The following GRAMD2A variants were observed in gnomAD, a reference collection of about 807,000 sequenced individuals.
GRAMD2A encodes the protein GRAM domain containing 2A.
GRAMD2A carries 37 observed loss-of-function variants against 51.1 expected under a neutral mutation model. The ratio of observed to expected loss-of-function variants is 0.72; its 90% CI spans 0.56 to 0.95. The LOEUF (loss-of-function observed/expected upper bound fraction) is 0.95, where lower values mean the gene tolerates loss of function less well. Among genes scored for constraint, GRAMD2A ranks in the 40% least tolerant of loss-of-function variants. The pLI is 0.00. For missense variants in GRAMD2A, 414 were observed against 426.9 expected, an observed-to-expected ratio of 0.97 and a Z score of 0.27; for synonymous variants, 136 against 157.1, an observed-to-expected ratio of 0.87 and a Z score of 1.01.
chr15:72,195,823 G>C (rs939023913), intron 1 of GRAMD2A, among the ~76,000 whole-genome samples: 1 of 152,140 alleles, frequency 6.6e-6, no homozygotes, highest in Non-Finnish European at 1.5e-5. Context: ...GGGAGGCTGA[G>C]GCAGGAGAAT....
At position 72,170,225 on chromosome 15, in the gene GRAMD2A, A is replaced by G. The variant is rs747999602; in HGVS notation, c.42-286T>C. The stretch of plus-strand genomic sequence containing the variant: ...ACCTGTCTACCTCATCTCCAGTGCC[A>G]GGCAGCTCGTAGGCCAGGCTGAGTG... On this transcript the variant is annotated intron_variant, in intron 1 of 11. Transcript: ENST00000309731. This position sits in a 1 kb window ranked among gnomAD's most constrained non-coding sequence, Gnocchi z 4.5. 4 of 554,716 alleles carry G rather than the reference A, an allele frequency of 7.2e-6. No homozygotes were observed. The highest frequency in any genetic ancestry group is 8.7e-5 in the East Asian group (2 of 22,862). 34.4% of individuals were successfully genotyped at this position (554,716 alleles called of 1,614,324 possible). A position where few individuals can be genotyped will look rare whatever the true frequency, so the allele number is the denominator to read the frequency against.
intron 1 of GRAMD2A, among the ~76,000 whole-genome samples, chr15:72,184,217 C>A (rs1490982896): frequency 3.9e-5 from 6 of 152,288 alleles, no homozygotes; most frequent in African/African-American, 1.4e-4. Flanking sequence ...CACCTCCACC[C>A]CTCGGCTAGC....
In GRAMD2A at chr15:72,185,200, T is replaced by G. The variant is rs1005107721; in HGVS notation, c.41+12531A>C. On this transcript the variant is annotated intron_variant, in intron 1 of 11. Transcript: ENST00000309731. ...TATATTTTGTTCCAGTTTTTTTTTT[T>G]TTTTTTTTTTTGAGACGGAGTCTTG... Among the ~76,000 whole-genome samples the G allele has an allele frequency of 3.8e-4, 58 of 151,540 alleles. 1 individual carries two copies. The highest frequency in any genetic ancestry group is 1.2e-3 in the African/African-American group (48 of 41,178).
rs982944036 is a variant in GRAMD2A, at chr15:72,160,969, C to T, written c.*1040G>A. The T allele has an allele frequency of 6.6e-6, 1 of 152,368 alleles. No homozygotes were observed. The highest frequency in any genetic ancestry group is 2.4e-5 in the African/African-American group (1 of 41,448). The allele number at this position is 152,368 out of a possible 1,614,324, so 9.4% of individuals were successfully genotyped here. On this transcript the variant is annotated 3_prime_UTR_variant, in exon 12 of 12. Transcript: ENST00000309731. Reference sequence around the variant, plus strand: ...GAGGTCCCTCCTCCATGGCCTGCAACCCAATGACTATGGGGGTGACACAAG... The same window carrying T: ...GAGGTCCCTCCTCCATGGCCTGCAATCCAATGACTATGGGGGTGACACAAG...
chr15:72,178,200 C>T (rs947669789), intron 1 of GRAMD2A, among the ~76,000 whole-genome samples: 1 of 152,216 alleles, frequency 6.6e-6, no homozygotes, highest in Admixed American at 6.5e-5. Context: ...TTCACCCTGG[C>T]CCTCTTGAGT....
intron 8 of GRAMD2A, among the ~76,000 whole-genome samples, chr15:72,165,137 G>A (rs550191594): frequency 7.9e-5 from 12 of 152,220 alleles, no homozygotes; most frequent in African/African-American, 2.4e-4. Context: ...AGACTCTGTC[G>A]TCCAAAAAAG....
rs781116207 is a variant in GRAMD2A, at chr15:72,166,982, C to G, written c.471+12G>C. 2 of 1,598,886 alleles carry G rather than the reference C, an allele frequency of 1.3e-6. No individual in the cohort carries two copies. Among genetic ancestry groups the G allele is most frequent in the Non-Finnish European group, 8.6e-7 (1 of 1,166,278 alleles). ...GGAGACTGACAAGGGAGCATGGGCC[C>G]AGTGCACTGACCTTCTGGCTGGTGT... On this transcript the variant is annotated intron_variant, in intron 6 of 11. Coordinates refer to ENST00000309731, the MANE Select transcript of GRAMD2A (RefSeq NM_001012642.3). This position sits in a 1 kb window ranked among gnomAD's most constrained non-coding sequence, Gnocchi z 4.1.
At chr15:72,186,949 C>T (rs1049899205) in intron 1 of GRAMD2A, among the ~76,000 whole-genome samples, 1 of 151,136 alleles carries the variant, frequency 6.6e-6, no homozygotes, top group African/African-American at 2.4e-5. Flanking sequence ...GAGTTCGAGA[C>T]CAGCCTGGCC....
At chr15:72,193,433 G>T (rs944236471) in intron 1 of GRAMD2A, among the ~76,000 whole-genome samples, 1 of 151,670 alleles carries the variant, frequency 6.6e-6, no homozygotes, top group African/African-American at 2.4e-5. Context: ...GGCCAGGCTG[G>T]CCTCAAACTC....
At chr15:72,192,799 A>C (rs1315193338) in intron 1 of GRAMD2A, among the ~76,000 whole-genome samples, 3 of 152,224 alleles carry the variant, frequency 2.0e-5, no homozygotes, top group Admixed American at 6.5e-5. Flanking sequence ...AACATCACTG[A>C]GGAAACACTA....
intron 8 of GRAMD2A, 79 bp downstream of exon 8, chr15:72,165,275 C>A (rs887404954): frequency 7.7e-6 from 10 of 1,303,582 alleles, no homozygotes; most frequent in Admixed American, 1.8e-5. Context: ...GCATTGTGGG[C>A]CCCCCTAGGA....
chr15:72,178,437 C>A (rs1347611854), intron 1 of GRAMD2A, among the ~76,000 whole-genome samples: 1 of 152,154 alleles, frequency 6.6e-6, no homozygotes, highest in East Asian at 1.9e-4. Flanking sequence ...GGTGACAAGA[C>A]CTTTCCTGAT....
chr15:72,197,455 A>C (rs1377437182), intron 1 of GRAMD2A, among the ~76,000 whole-genome samples: 4 of 152,038 alleles, frequency 2.6e-5, no homozygotes, highest in Admixed American at 2.6e-4. Context: ...CCTTGCCCCG[A>C]TGCTGCCGGG....
At position 72,167,853 on chromosome 15, in the gene GRAMD2A, G is replaced by C. The variant is rs747333520; in HGVS notation, c.269-14C>G. The C allele has an allele frequency of 1.2e-6, 2 of 1,600,578 alleles. No individual in the cohort carries two copies. Among genetic ancestry groups the C allele is most frequent in the African/African-American group, 2.7e-5 (2 of 74,602 alleles). On this transcript the variant is annotated splice_polypyrimidine_tract_variant and intron_variant, in intron 4 of 11. Transcript: ENST00000309731. ...CACAGGAACACACTAGGATGTCACA[G>C]GAGAGAAAATGGCCATAAGCAAGGT...
intron 1 of GRAMD2A, among the ~76,000 whole-genome samples, chr15:72,197,011 A>G (rs2081809767): frequency 6.6e-6 from 1 of 152,142 alleles, no homozygotes; most frequent in African/African-American, 2.4e-5. Flanking sequence ...CCCCCAAACA[A>G]TGTCACTCCC....
rs769498714 is a variant in GRAMD2A at position 72,163,600 on chromosome 15, C to G, written c.745+13G>C. Reference sequence around the variant, plus strand: ...TGCAAGTAGTTGCCATGGACAAGCCCTCCCGAACTTACCAGACATTGGAGG... The same window carrying G: ...TGCAAGTAGTTGCCATGGACAAGCCGTCCCGAACTTACCAGACATTGGAGG... On this transcript the variant is annotated intron_variant, in intron 9 of 11. Coordinates refer to ENST00000309731, the MANE Select transcript of GRAMD2A (RefSeq NM_001012642.3). 2 of 1,595,072 alleles carry G rather than the reference C, an allele frequency of 1.3e-6. No individual in the cohort carries two copies. The highest frequency in any genetic ancestry group is 1.7e-6 in the Non-Finnish European group (2 of 1,172,760).
chr15:72,171,053 G>T (rs1435926000), intron 1 of GRAMD2A, among the ~76,000 whole-genome samples: 2 of 152,154 alleles, frequency 1.3e-5, no homozygotes, highest in Non-Finnish European at 2.9e-5. Context: ...CCTGCCAAGG[G>T]ACAGGCTGTG....
intron 1 of GRAMD2A, among the ~76,000 whole-genome samples, chr15:72,187,995 T>C (rs1159722297): frequency 6.6e-6 from 1 of 152,222 alleles, no homozygotes; most frequent in African/African-American, 2.4e-5. Flanking sequence ...ATTCCATTTC[T>C]AACAATTTAT....
intron 1 of GRAMD2A, among the ~76,000 whole-genome samples, chr15:72,190,319 C>T (rs1195669907): frequency 6.6e-6 from 1 of 152,078 alleles, no homozygotes; most frequent in African/African-American, 2.4e-5. Context: ...GCGGAGCTTG[C>T]AGTGAGCCGA....
Sources: gnomAD v4.1 joint callset for allele counts (sites outside exome capture counted in the v4.1 genomes callset) on GRCh38, gnomAD v4.1.1 for gene constraint, Gnocchi (gnomAD v3.1) non-coding constraint, MANE v1.5 for transcripts, NCBI Gene and HGNC (gene_info 2026-07-23, HGNC 2026-07-21) for gene names.